The following SVEP1 variants were observed in gnomAD, a reference collection of about 807,000 sequenced individuals.
SVEP1 encodes sushi, von Willebrand factor type A, EGF and pentraxin domain-containing protein 1.
Under a neutral mutation model 367.3 loss-of-function variants are expected in SVEP1, and 164 were observed. The observed-to-expected ratio is 0.45, with a 90% CI of 0.39 to 0.51. The LOEUF is 0.51. Among genes scored for constraint, SVEP1 ranks in the 20% least tolerant of loss-of-function variants. The pLI is 0.00. For missense variants in SVEP1, 4,117 were observed against 4,425.3 expected (o/e 0.93, Z 1.98); for synonymous variants, 1,666 against 1,611.6 (o/e 1.03, Z -0.81).
At chr9:110,404,683 A>G (rs2118484444) in intron 38 of SVEP1, 131 bp from the exon 39 acceptor site, 1 of 834,042 alleles carries the variant, frequency 1.2e-6, no homozygotes. Flanking sequence ...TGCACAATCA[A>G]TATGTCAGGC....
chr9:110,454,959 A>C (rs753338106), intron 22 of SVEP1, among the ~76,000 whole-genome samples: 1 of 152,210 alleles, frequency 6.6e-6, no homozygotes, highest in Non-Finnish European at 1.5e-5. Context: ...TTTAAAATAA[A>C]AGTTGAAATT....
intron 5 of SVEP1, among the ~76,000 whole-genome samples, chr9:110,505,154 A>G (rs1254156119): frequency 2.0e-5 from 3 of 152,122 alleles, no homozygotes; most frequent in Non-Finnish European, 4.4e-5. Flanking sequence ...TGTCCTCAAC[A>G]TTACATCAGA....
chr9:110,574,108 TTG>T lies in SVEP1; in HGVS notation c.531+4903_531+4904del, dbSNP rs1371825170. 7.9e-5 allele frequency among the ~76,000 whole-genome samples: 12 copies of T among 152,366 alleles called. No homozygotes were observed. In the East Asian group the frequency reaches 2.3e-3, roughly 29 times the overall value. ...AGAGAAGCAACACTGTTAATCCTTTTTGTTTGGTCAGTCCCATCTGCTGAGAA... is the reference window on the plus strand; with the variant it reads ...AGAGAAGCAACACTGTTAATCCTTTTTTTGGTCAGTCCCATCTGCTGAGAA... On this transcript the variant is annotated intron_variant, in intron 1 of 47. Coordinates refer to ENST00000374469, the MANE Select transcript of SVEP1 (RefSeq NM_153366.4).
intron 36 of SVEP1, among the ~76,000 whole-genome samples, chr9:110,416,221 G>C (rs1828119191): frequency 6.6e-6 from 1 of 151,118 alleles, no homozygotes; most frequent in Non-Finnish European, 1.5e-5. Flanking sequence ...TGAGATAATA[G>C]AAAAAAAGCT....
intron 1 of SVEP1, among the ~76,000 whole-genome samples, chr9:110,557,274 T>C (rs1378800534): frequency 6.6e-6 from 1 of 152,216 alleles, no homozygotes; most frequent in Non-Finnish European, 1.5e-5. Context: ...TTCTCTTCTC[T>C]ACTTCTAATT....
At chr9:110,570,160 T>C (rs1174042709) in intron 1 of SVEP1, among the ~76,000 whole-genome samples, 1 of 152,150 alleles carries the variant, frequency 6.6e-6, no homozygotes. Context: ...CCAGTCTTCA[T>C]ATGGTCTGGA....
At chr9:110,411,759 G>C in intron 36 of SVEP1, 24 bp from the exon 37 acceptor site, 1 of 1,471,668 alleles carries the variant, frequency 6.8e-7, no homozygotes, top group South Asian at 1.4e-5. Flanking sequence ...AAGAAAGAAA[G>C]AATAACTAAG....
chr9:110,411,624 G>A lies in SVEP1; in HGVS notation c.6087C>T (p.His2029=), dbSNP rs190986330. The change falls in exon 37 of 48, where the codon CAC becomes CAT. Residue 2029 remains histidine (H), a synonymous_variant. Transcript: ENST00000374469. ...VSCDEPPIVD[H]ASPETAHRLF... is the part of the protein sequence containing the mutation. ...GCCGATGGGCAGTCTCTGGAGAGGCGTGGTCCACAATGGGTGGCTCATCAC... is the reference window on the plus strand; with the variant it reads ...GCCGATGGGCAGTCTCTGGAGAGGCATGGTCCACAATGGGTGGCTCATCAC... The A allele has an allele frequency of 2.7e-5, 44 of 1,613,132 alleles. No individual in the cohort carries two copies. Among genetic ancestry groups the A allele is most frequent in the East Asian group, 2.7e-4 (12 of 44,856 alleles).
At chr9:110,510,486 G>T (rs1249506577) in intron 5 of SVEP1, among the ~76,000 whole-genome samples, 1 of 152,194 alleles carries the variant, frequency 6.6e-6, no homozygotes, top group Non-Finnish European at 1.5e-5. Flanking sequence ...ACGTGTAGAG[G>T]TCACCCCATT....
In SVEP1 at chr9:110,408,767, T is replaced by C. The variant is rs1212603149; in HGVS notation, c.6833A>G (p.Glu2278Gly). Residue 2278 changes from glutamate (E) to glycine (G), a missense_variant, in exon 38 of 48, where the codon GAA becomes GGA. By Grantham distance (98) the Glu-to-Gly change is moderately conservative. Around this residue, in one of 4 missense-constraint regions of SVEP1, gnomAD observed 1,765 missense variants for 1,781.1 expected, o/e 0.99. Coordinates refer to ENST00000374469, the MANE Select transcript of SVEP1 (RefSeq NM_153366.4). ...AACCTTGGACCCTACTTCAAAGTTTTCTCCTTTCATGAAGCCATTCTGGAT... is the reference window on the plus strand; with the variant it reads ...AACCTTGGACCCTACTTCAAAGTTTCCTCCTTTCATGAAGCCATTCTGGAT... ...PPIQNGFMKGENFEVGSKVQF... is the reference protein window; with the variant it reads ...PPIQNGFMKGGNFEVGSKVQF... 5.0e-6 allele frequency: 8 copies of C among 1,613,516 alleles called. No homozygotes were observed. In the African/African-American group the frequency reaches 6.7e-5, roughly 13 times the overall value.
At chr9:110,563,192 T>C (rs1830451868) in intron 1 of SVEP1, among the ~76,000 whole-genome samples, 1 of 152,068 alleles carries the variant, frequency 6.6e-6, no homozygotes, top group South Asian at 2.1e-4. Flanking sequence ...CATGAAAAAA[T>C]ATACTTGAAA....
chr9:110,396,613 AGAAAAGAG>A (rs1588032226), intron 40 of SVEP1, among the ~76,000 whole-genome samples: 1 of 146,856 alleles, frequency 6.8e-6, no homozygotes, highest in African/African-American at 2.5e-5. Context: ...AAGACTAATA[AGAAAAGAG>A]AGAAGAATCA....
chr9:110,465,724 C>CA (rs1022661365), intron 18 of SVEP1, 141 bp downstream of exon 18: 86 of 1,142,774 alleles, frequency 7.5e-5, no homozygotes, highest in Non-Finnish European at 9.9e-5. Flanking sequence ...ACTAAACAAA[C>CA]AAAAAAACCT....
At chr9:110,457,186 G>GTTA in intron 21 of SVEP1, 70 bp downstream of exon 21, 1 of 1,281,368 alleles carries the variant, frequency 7.8e-7, no homozygotes, top group Non-Finnish European at 1.1e-6. Flanking sequence ...ATGTACTAAA[G>GTTA]TTTGATACTG....
intron 37 of SVEP1, among the ~76,000 whole-genome samples, chr9:110,410,830 C>A: frequency 6.6e-6 from 1 of 152,118 alleles, no homozygotes; most frequent in Non-Finnish European, 1.5e-5. Context: ...TAGTCTCTTA[C>A]CTCCAGAAAG....
At chr9:110,390,100 C>T in intron 40 of SVEP1, among the ~76,000 whole-genome samples, 1 of 106,872 alleles carries the variant, frequency 9.4e-6, no homozygotes, top group East Asian at 6.7e-4. Flanking sequence ...CACATACATA[C>T]TTATATAAGT....
At chr9:110,463,708 AAAAG>A (rs1338864270) in intron 18 of SVEP1, among the ~76,000 whole-genome samples, 1 of 151,966 alleles carries the variant, frequency 6.6e-6, no homozygotes, top group Non-Finnish European at 1.5e-5. Flanking sequence ...AAAGAAAGGC[AAAAG>A]AGAGAAAGAG....
chr9:110,443,515 C>T (rs1828545214), intron 27 of SVEP1, 30 bp downstream of exon 27: 1 of 1,536,944 alleles, frequency 6.5e-7, no homozygotes, highest in Non-Finnish European at 8.8e-7. Flanking sequence ...TAGAGTCCAA[C>T]AGAATTATAC....
rs764627841 is a variant in SVEP1, at chr9:110,406,098, G to A, written c.9440+62C>T. The A allele has an allele frequency of 6.7e-5, 100 of 1,493,686 alleles. No individual in the cohort carries two copies. In the Middle Eastern group the frequency reaches 1.6e-3, roughly 24 times the overall value. The allele number at this position is 1,493,686 out of a possible 1,614,324, so 92.5% of individuals were successfully genotyped here. ...TTCCCAATCAGCAAAATTTTTGATC[G>A]ATCACATTTCATTTCATAATCCTGC... On this transcript the variant is annotated intron_variant, in intron 38 of 47. Transcript: ENST00000374469.
Sources: gnomAD v4.1 joint callset for allele counts (sites outside exome capture counted in the v4.1 genomes callset) on GRCh38, gnomAD v4.1.1 for gene constraint, gnomAD v4.1.1 regional missense constraint, MANE v1.5 for transcripts, NCBI Gene and HGNC (gene_info 2026-07-23, HGNC 2026-07-21) for gene names.